Variants in ZRANB3 observed in about 807,000 individuals in gnomAD.
ZRANB3 encodes DNA annealing helicase and endonuclease ZRANB3.
Under a neutral mutation model 133.8 loss-of-function variants are expected in ZRANB3, and 125 were observed. The observed-to-expected ratio is 0.93, with a 90% CI of 0.81 to 1.08. ZRANB3 has a LOEUF of 1.08. Ranked by LOEUF, ZRANB3 falls within the 50% of genes least tolerant of loss-of-function variation. ZRANB3 has a pLI of 0.00. For missense variants in ZRANB3, 1,229 were observed against 1,275.5 expected, an observed-to-expected ratio of 0.96 and a Z score of 0.56; for synonymous variants, 387 against 432.7, an observed-to-expected ratio of 0.89 and a Z score of 1.31.
intron 14 of ZRANB3, among the ~76,000 whole-genome samples, chr2:135,226,621 A>G (rs949811066): frequency 6.6e-6 from 1 of 152,222 alleles, no homozygotes; most frequent in Non-Finnish European, 1.5e-5. Context: ...AGTACAAGCT[A>G]ACATGTTTTT....
chr2:135,500,849 C>T (rs930477933), intron 2 of ZRANB3, among the ~76,000 whole-genome samples: 2 of 149,270 alleles, frequency 1.3e-5, no homozygotes, highest in Non-Finnish European at 3.0e-5. Flanking sequence ...TATGAGAGAA[C>T]TTGAAAACAG....
At position 135,363,387 on chromosome 2, in the gene ZRANB3, A is replaced by G. The variant is rs144224776; in HGVS notation, c.181-9759T>C. 1.2e-3 allele frequency among the ~76,000 whole-genome samples: 184 copies of G among 152,342 alleles called. 4 individuals carry two copies. The Middle Eastern group carries it at 0.017, about 14-fold the overall frequency. ...GTAAAAAATGAGATACTTAACTATA[A>G]TGGGAACTGCTCACATGCATATGTA... is the stretch of plus-strand genomic sequence containing the variant. On this transcript the variant is annotated intron_variant, in intron 3 of 20. Coordinates refer to ENST00000264159, the MANE Select transcript of ZRANB3 (RefSeq NM_032143.4).
intron 2 of ZRANB3, among the ~76,000 whole-genome samples, chr2:135,409,733 T>A (rs1688218726): frequency 6.6e-6 from 1 of 152,096 alleles, no homozygotes; most frequent in Non-Finnish European, 1.5e-5. Context: ...ACCCTAAAGA[T>A]CCTTCCAAAA....
Position 135,529,564 on chromosome 2 carries a change from G to A in ZRANB3, c.-8+1563C>T, listed in dbSNP as rs116978468. On this transcript the variant is annotated intron_variant, in intron 1 of 20. Coordinates refer to ENST00000264159, the MANE Select transcript of ZRANB3 (RefSeq NM_032143.4). ...TCACCCGAGGCTGGAGTGCAGTGGC[G>A]CGATCTCGGGTCACTGTAACCACTT... is the stretch of plus-strand genomic sequence containing the variant. Among the ~76,000 whole-genome samples the A allele has an allele frequency of 3.2e-3, 493 of 152,120 alleles. 12 individuals carry two copies. In the East Asian group the frequency reaches 0.083, roughly 26 times the overall value.
chr2:135,224,648 T>C, intron 14 of ZRANB3, 131 bp from the exon 15 acceptor site: 1 of 553,786 alleles, frequency 1.8e-6, no homozygotes, highest in Non-Finnish European at 3.0e-6. Flanking sequence ...CAAAAAGTAA[T>C]TGTCTAGGCT....
intron 4 of ZRANB3, among the ~76,000 whole-genome samples, chr2:135,351,450 C>T (rs950076518): frequency 1.3e-5 from 2 of 151,538 alleles, no homozygotes; most frequent in Non-Finnish European, 2.9e-5. Context: ...TGTATTTTAG[C>T]CAGGATGGTC....
chr2:135,207,677 A>C lies in ZRANB3; in HGVS notation c.2766T>G (p.Thr922=). ...CLRCQQPTCQ[T]KQACKANSWD... ...AAGAGTTCGCTTTACATGCTTGCTT[A>C]GTCTGGCAAGTGGGTTGCTGACAGC... is the stretch of plus-strand genomic sequence containing the variant. The change falls in exon 19 of 21, where the codon ACT becomes ACG. Residue 922 remains threonine, a synonymous_variant. Coordinates refer to ENST00000264159, the MANE Select transcript of ZRANB3 (RefSeq NM_032143.4). 16 of 1,614,012 alleles carry C rather than the reference A, an allele frequency of 9.9e-6. No homozygotes were observed. Among genetic ancestry groups the C allele is most frequent in the Non-Finnish European group, 1.4e-5 (16 of 1,179,890 alleles).
intron 20 of ZRANB3, among the ~76,000 whole-genome samples, chr2:135,200,755 T>G (rs1693587128): frequency 9.6e-6 from 1 of 104,048 alleles, no homozygotes; most frequent in Non-Finnish European, 1.8e-5. Flanking sequence ...AGTGGGAGGT[T>G]TTTTTTTTTT....
rs557555256 is a variant in ZRANB3 at position 135,349,931 on chromosome 2, G to A, written c.591+53C>T. 52 of 1,513,798 alleles carry A rather than the reference G, an allele frequency of 3.4e-5. 1 individual carries two copies. In the Admixed American group the frequency reaches 4.5e-4, roughly 13 times the overall value. The allele number at this position is 1,513,798 out of a possible 1,614,324, so 93.8% of individuals were successfully genotyped here. On this transcript the variant is annotated intron_variant, in intron 5 of 20. Coordinates refer to ENST00000264159, the MANE Select transcript of ZRANB3 (RefSeq NM_032143.4). ...GCAAAACAGGTGGTTGATTCAATAC[G>A]CCTCCCACCCCCCTTCTCTTCTTTT...
At chr2:135,258,882 TA>T (rs1679795919) in intron 12 of ZRANB3, among the ~76,000 whole-genome samples, 2 of 152,250 alleles carry the variant, frequency 1.3e-5, no homozygotes, top group Admixed American at 1.3e-4. Flanking sequence ...TGTTACCATG[TA>T]TTCAACTGGA....
chr2:135,444,195 T>C (rs1041432163), intron 2 of ZRANB3, among the ~76,000 whole-genome samples: 1 of 152,162 alleles, frequency 6.6e-6, no homozygotes, highest in African/African-American at 2.4e-5. Context: ...ATAGCCACTT[T>C]AGAAAACTAC....
chr2:135,280,300 G>A (rs529589588), intron 8 of ZRANB3, among the ~76,000 whole-genome samples: 2 of 152,314 alleles, frequency 1.3e-5, no homozygotes, highest in Admixed American at 6.5e-5. Context: ...AGGCGTGGGG[G>A]CTCATGCCTG....
rs1452352764 is a variant in ZRANB3, at chr2:135,265,540, G to A, written c.1533C>T (p.Phe511=). The A allele has an allele frequency of 6.2e-7, 1 of 1,612,340 alleles. No individual in the cohort carries two copies. The highest frequency in any genetic ancestry group is 1.1e-5 in the South Asian group (1 of 90,598). The change falls in exon 12 of 21, where the codon TTC becomes TTT. Residue 511 remains phenylalanine, a synonymous_variant. Transcript: ENST00000264159. ...SSEELRKEAL[F]THFEKEKQHD... ...GTAAGGCATATAATCTTACGTGAGT[G>A]AACAAAGCTTCCTTCCTTAACTCTT...
At chr2:135,511,674 C>T in intron 1 of ZRANB3, 2 of 768,208 alleles carry the variant, frequency 2.6e-6, no homozygotes, top group South Asian at 2.7e-5. Context: ...CCTGGACTAC[C>T]ACACCATCAT....
chr2:135,217,551 G>A lies in ZRANB3; in HGVS notation c.2409C>T (p.Ile803=). ...SSLTAMKQRI[I]RKSGQLFCSP... is the part of the protein sequence containing the mutation. ...TACAGAATAGCTGTCCACTTTTCCTGATTATCCTTTGCTTCATGGCAGTTA... is the reference window on the plus strand; with the variant it reads ...TACAGAATAGCTGTCCACTTTTCCTAATTATCCTTTGCTTCATGGCAGTTA... Residue 803 remains isoleucine (I), a synonymous_variant, in exon 17 of 21, where the codon ATC becomes ATT. Coordinates refer to ENST00000264159, the MANE Select transcript of ZRANB3 (RefSeq NM_032143.4). 6.2e-7 allele frequency: 1 copy of A among 1,613,718 alleles called. No homozygotes were observed. Among genetic ancestry groups the A allele is most frequent in the Non-Finnish European group, 8.5e-7 (1 of 1,179,818 alleles).
At chr2:135,525,721 G>C (rs1241630288) in intron 1 of ZRANB3, among the ~76,000 whole-genome samples, 1 of 151,900 alleles carries the variant, frequency 6.6e-6, no homozygotes, top group African/African-American at 2.4e-5. Flanking sequence ...GGTGGTGCGT[G>C]CCTGTAATCC....
intron 2 of ZRANB3, among the ~76,000 whole-genome samples, chr2:135,458,820 C>T (rs1690640199): frequency 6.6e-6 from 1 of 151,992 alleles, no homozygotes; most frequent in Non-Finnish European, 1.5e-5. Flanking sequence ...TATTATTTTG[C>T]TATTGTAGAA....
chr2:135,377,926 T>A (rs1435497710), intron 3 of ZRANB3, among the ~76,000 whole-genome samples: 1 of 152,202 alleles, frequency 6.6e-6, no homozygotes, highest in Non-Finnish European at 1.5e-5. Context: ...GTGGCTAGAA[T>A]ATAAGCAGGC....
chr2:135,488,874 C>T (rs542447335), intron 2 of ZRANB3, among the ~76,000 whole-genome samples: 1 of 150,146 alleles, frequency 6.7e-6, no homozygotes, highest in Non-Finnish European at 1.5e-5. Context: ...TTTTATTATA[C>T]TATATAGCAT....
Sources: allele counts gnomAD v4.1 joint callset (sites outside exome capture counted in the v4.1 genomes callset), GRCh38; gene constraint gnomAD v4.1.1; transcripts MANE v1.5; gene names NCBI Gene and HGNC (gene_info 2026-07-23, HGNC 2026-07-21).